Variants in ARL3 observed in about 807,000 individuals in gnomAD.
ARL3 encodes the protein ARF like GTPase 3, also known as ADP-ribosylation factor-like protein 3.
ARL3 carries 9 observed loss-of-function variants against 26.0 expected under a neutral mutation model. The observed-to-expected ratio is 0.35, with a 90% confidence interval of 0.21 to 0.60. ARL3 has a LOEUF of 0.60. Among genes scored for constraint, ARL3 ranks in the 20% least tolerant of loss-of-function variants. The pLI is 0.78. For missense variants in ARL3, 158 were observed against 215.7 expected (o/e 0.73, Z 1.67); for synonymous variants, 71 against 78.4 (o/e 0.91, Z 0.50).
At chr10:102,678,702 T>C (rs1470054530) in intron 5 of ARL3, among the ~76,000 whole-genome samples, 1 of 152,194 alleles carries the variant, frequency 6.6e-6, no homozygotes, top group Non-Finnish European at 1.5e-5. Flanking sequence ...TAAGGAGAGA[T>C]TATTGCATAT....
At chr10:102,696,283 T>TG (rs386372290) in intron 3 of ARL3, among the ~76,000 whole-genome samples, 1 of 147,168 alleles carries the variant, frequency 6.8e-6, no homozygotes, top group African/African-American at 2.5e-5. Flanking sequence ...TTTTTTTTTT[T>TG]GAGACGGAGT....
chr10:102,700,434 G>A (rs1047074282), intron 2 of ARL3, among the ~76,000 whole-genome samples: 7 of 128,158 alleles, frequency 5.5e-5, no homozygotes, highest in Admixed American at 8.2e-5. Flanking sequence ...GCTTTCATAG[G>A]GAACTATGAT....
At chr10:102,687,026 C>G (rs1160276871) in intron 4 of ARL3, among the ~76,000 whole-genome samples, 5 of 151,388 alleles carry the variant, frequency 3.3e-5, no homozygotes, top group African/African-American at 7.3e-5. Context: ...AGGCGCCCAC[C>G]ACCATGCCTC....
intron 1 of ARL3, 118 bp downstream of exon 1, chr10:102,714,155 G>T: frequency 8.3e-7 from 1 of 1,203,952 alleles, no homozygotes; most frequent in Non-Finnish European, 1.1e-6. Flanking sequence ...AACCCAGATA[G>T]CAGGCTGAGC....
Position 102,676,939 on chromosome 10 carries a change from A to G in ARL3, c.504T>C (p.Asp168=). 6.2e-7 allele frequency: 1 copy of G among 1,614,040 alleles called. No individual in the cohort carries two copies. Among genetic ancestry groups the G allele is most frequent in the Non-Finnish European group, 8.5e-7 (1 of 1,179,898 alleles). ...CSALTGEGVQ[D]GMNWVCKNVN... is the part of the protein sequence containing the mutation. ...CATTTTTGCAGACCCAGTTCATGCC[A>G]TCCTTTGAGGGAAATGGGCAGAGAA... The change falls in exon 6 of 6, where the codon GAT becomes GAC. Residue 168 remains aspartate, a splice_region_variant and synonymous_variant. Coordinates refer to ENST00000260746, the MANE Select transcript of ARL3 (RefSeq NM_004311.4).
chr10:102,710,828 A>C (rs1265404690), intron 1 of ARL3, among the ~76,000 whole-genome samples: 1 of 152,244 alleles, frequency 6.6e-6, no homozygotes, highest in Non-Finnish European at 1.5e-5. Context: ...TCATGAATAG[A>C]TGTGCTATGG....
Position 102,711,201 on chromosome 10 carries a change from C to T in ARL3, c.3+3072G>A, listed in dbSNP as rs556901424. 5.3e-5 allele frequency among the ~76,000 whole-genome samples: 8 copies of T among 152,196 alleles called. No individual in the cohort carries two copies. In the South Asian group the frequency reaches 1.7e-3, roughly 32 times the overall value. On this transcript the variant is annotated intron_variant, in intron 1 of 5. Transcript: ENST00000260746. The stretch of plus-strand genomic sequence containing the variant: ...TCCTAAATAAATACAAACAATGTTT[C>T]CTAAGGAACAAAGTCTGAGCATCTC...
chr10:102,678,094 AT>A (rs1419887213), intron 5 of ARL3, among the ~76,000 whole-genome samples: 3 of 152,222 alleles, frequency 2.0e-5, no homozygotes, highest in Non-Finnish European at 4.4e-5. Flanking sequence ...ATTTACAGTG[AT>A]TACAACTCTG....
At chr10:102,710,561 C>T (rs1379586044) in intron 1 of ARL3, among the ~76,000 whole-genome samples, 2 of 152,098 alleles carry the variant, frequency 1.3e-5, no homozygotes, top group Non-Finnish European at 2.9e-5. Context: ...CATTTTTTGG[C>T]CAAAATATCC....
intron 1 of ARL3, among the ~76,000 whole-genome samples, chr10:102,711,683 G>A (rs901423167): frequency 6.6e-6 from 1 of 152,074 alleles, no homozygotes; most frequent in African/African-American, 2.4e-5. Flanking sequence ...CGTGAACCCG[G>A]GAGGCGGAGC....
intron 2 of ARL3, among the ~76,000 whole-genome samples, chr10:102,703,822 G>A (rs1159727741): frequency 6.6e-6 from 1 of 151,848 alleles, no homozygotes; most frequent in African/African-American, 2.4e-5. Context: ...GCCCTTTTCA[G>A]GAAAGAGGAA....
At chr10:102,697,213 TG>T (rs1387263919) in intron 3 of ARL3, among the ~76,000 whole-genome samples, 1 of 151,844 alleles carries the variant, frequency 6.6e-6, no homozygotes, top group East Asian at 1.9e-4. Flanking sequence ...AGAGTCTCGC[TG>T]TGTTGCCCAG....
intron 3 of ARL3, among the ~76,000 whole-genome samples, chr10:102,697,122 G>C (rs952914075): frequency 1.3e-5 from 2 of 151,848 alleles, no homozygotes; most frequent in South Asian, 4.2e-4. Flanking sequence ...ACATATAAAA[G>C]GTAATGTGTT....
chr10:102,679,044 G>A (rs954699306), intron 5 of ARL3, among the ~76,000 whole-genome samples: 6 of 152,380 alleles, frequency 3.9e-5, no homozygotes, highest in Admixed American at 6.5e-5. Context: ...ACAGGGGACC[G>A]AGCCCTGTGG....
rs554619039 is a variant in ARL3, at chr10:102,703,357, T to A, written c.147+1989A>T. Among the ~76,000 whole-genome samples the A allele has an allele frequency of 1.1e-3, 161 of 149,100 alleles. 2 individuals are homozygous for A. Among genetic ancestry groups the A allele is most frequent in the Non-Finnish European group, 1.9e-3 (127 of 67,428 alleles). On this transcript the variant is annotated intron_variant, in intron 2 of 5. Coordinates refer to ENST00000260746, the MANE Select transcript of ARL3 (RefSeq NM_004311.4). ...GGATGGTCTCCATGTCCTGACCTCA[T>A]GATCCACCCACCTCGGCCTCCCAAA... is the stretch of plus-strand genomic sequence containing the variant.
chr10:102,685,713 T>C (rs1402534707), intron 5 of ARL3, 103 bp downstream of exon 5: 1 of 1,260,848 alleles, frequency 7.9e-7, no homozygotes, highest in African/African-American at 1.5e-5. Context: ...CCTTCATATC[T>C]TGGAATGGCT....
chr10:102,707,591 C>T (rs2136009861), intron 1 of ARL3, among the ~76,000 whole-genome samples: 1 of 152,262 alleles, frequency 6.6e-6, no homozygotes, highest in Admixed American at 6.5e-5. Context: ...TAATTCAAAC[C>T]AGTTTGTTCA....
chr10:102,700,754 G>A (rs1416176059), intron 2 of ARL3, among the ~76,000 whole-genome samples: 1 of 142,122 alleles, frequency 7.0e-6, no homozygotes, highest in Non-Finnish European at 1.5e-5. Context: ...ATGCGCCACT[G>A]TGCCCAGCCG....
rs953851685 is a variant in ARL3, at chr10:102,675,919, T to C, written c.*975A>G. Reference sequence around the variant, plus strand: ...TAAAGCTGCATTTATTTCTAAAATCTGATAGCAGCGGCCTATTGTGATCGT... The same window carrying C: ...TAAAGCTGCATTTATTTCTAAAATCCGATAGCAGCGGCCTATTGTGATCGT... On this transcript the variant is annotated 3_prime_UTR_variant, in exon 6 of 6. Coordinates refer to ENST00000260746, the MANE Select transcript of ARL3 (RefSeq NM_004311.4). 6.6e-6 allele frequency: 1 copy of C among 152,624 alleles called. No individual in the cohort carries two copies. Among genetic ancestry groups the C allele is most frequent in the African/African-American group, 2.4e-5 (1 of 41,440 alleles). The allele number at this position is 152,624 out of a possible 1,614,324, so 9.5% of individuals were successfully genotyped here.
Sources: allele counts gnomAD v4.1 joint callset (sites outside exome capture counted in the v4.1 genomes callset), GRCh38; gene constraint gnomAD v4.1.1; transcripts MANE v1.5; gene names NCBI Gene and HGNC (gene_info 2026-07-23, HGNC 2026-07-21).